The following TIAM2 variants were observed in gnomAD, a reference collection of about 807,000 sequenced individuals.
The protein encoded by TIAM2 is rho guanine nucleotide exchange factor TIAM2.
Under a neutral mutation model 152.9 loss-of-function variants are expected in TIAM2, and 80 were observed. That is an observed-to-expected ratio of 0.52 (90% confidence interval 0.44 to 0.63). The LOEUF is 0.63. Among genes scored for constraint, TIAM2 ranks in the 30% least tolerant of loss-of-function variants. The pLI, the probability that TIAM2 is intolerant of heterozygous loss-of-function variation, is 0.00. For missense variants in TIAM2, 1,965 were observed against 2,120.1 expected (o/e 0.93, Z 1.44); for synonymous variants, 804 against 838.0 (o/e 0.96, Z 0.70).
At chr6:155,132,929 G>A (rs1316704394) in intron 4 of TIAM2, among the ~76,000 whole-genome samples, 3 of 152,198 alleles carry the variant, frequency 2.0e-5, no homozygotes, top group South Asian at 2.1e-4. Flanking sequence ...ATTCTATCAC[G>A]GGTAAGTATC....
rs531603305 is a variant in TIAM2, at chr6:155,165,712, C to T, written c.2361+303C>T. On this transcript the variant is annotated intron_variant, in intron 9 of 26. Transcript: ENST00000682666. ...CTGAATTGGGAAGATCGCTTGAGCCCGGGAGGTTGAAGCTGCAGTGAGCCA... is the reference window on the plus strand; with the variant it reads ...CTGAATTGGGAAGATCGCTTGAGCCTGGGAGGTTGAAGCTGCAGTGAGCCA... 1.3e-4 allele frequency among the ~76,000 whole-genome samples: 20 copies of T among 152,184 alleles called. No homozygotes were observed. In the South Asian group the frequency reaches 3.5e-3, roughly 27 times the overall value.
Position 155,127,509 on chromosome 6 carries a change from T to A in TIAM2, c.-98T>A. The A allele has an allele frequency of 2.2e-6, 1 of 453,804 alleles. No homozygotes were observed. Among genetic ancestry groups the A allele is most frequent in the Non-Finnish European group, 4.4e-6 (1 of 226,254 alleles). The allele number at this position is 453,804 out of a possible 1,614,324, so 28.1% of individuals were successfully genotyped here. On this transcript the variant is annotated 5_prime_UTR_variant, in exon 3 of 27. Transcript: ENST00000682666. ...TTTCAGGCTCACTTCATGGACTCAC[T>A]TTGCGTGCTTGTTAAATGTGCTGTG...
Position 155,179,415 on chromosome 6 carries a change from A to G in TIAM2, c.2666A>G (p.Tyr889Cys). 6.2e-7 allele frequency: 1 copy of G among 1,613,792 alleles called. No individual in the cohort carries two copies. The highest frequency in any genetic ancestry group is 1.1e-5 in the South Asian group (1 of 90,902). The change falls in exon 12 of 27, where the codon TAT becomes TGT. Residue 889 changes from tyrosine to cysteine, a missense_variant. Coordinates refer to ENST00000682666, the MANE Select transcript of TIAM2 (RefSeq NM_012454.4). ...ATAGAAGTCTTTCCACTAAATGTTT[A>G]TGACGTGCAGCTCACGAAGACTGGG... ...DEIEVFPLNV[Y>C]DVQLTKTGSV... is the part of the protein sequence containing the mutation.
intron 1 of TIAM2, among the ~76,000 whole-genome samples, chr6:155,033,569 G>A (rs1776862564): frequency 6.6e-6 from 1 of 151,886 alleles, no homozygotes. Flanking sequence ...GCCGTGCCAA[G>A]TATGAGTTAT....
chr6:155,074,853 CA>C (rs71023618), intron 1 of TIAM2, among the ~76,000 whole-genome samples: 872 of 37,676 alleles, frequency 0.023, 3 homozygotes, highest in South Asian at 0.071. Context: ...GACTCTGTCT[CA>C]AAAAAAAAAA....
In TIAM2 at chr6:154,995,402, A is replaced by C. The variant is rs1173647599; in HGVS notation, c.-299A>C. ...CAAAGTGACCCCCAGAACTTCTCCA[A>C]CTCCTCCCGGCGTTCCCGCGAGGGC... On this transcript the variant is annotated 5_prime_UTR_variant, in exon 1 of 27. Transcript: ENST00000682666. The surrounding 1 kb of genome is among the most constrained non-coding windows in gnomAD (Gnocchi z 5.2). 6.7e-6 allele frequency: 1 copy of C among 149,768 alleles called. No individual in the cohort carries two copies. Among genetic ancestry groups the C allele is most frequent in the Non-Finnish European group, 1.5e-5 (1 of 67,276 alleles). 9.3% of individuals were successfully genotyped at this position (149,768 alleles called of 1,614,324 possible).
chr6:155,153,853 C>T (rs1780037318), intron 7 of TIAM2, among the ~76,000 whole-genome samples: 1 of 152,108 alleles, frequency 6.6e-6, no homozygotes, highest in East Asian at 1.9e-4. Context: ...AACTCCTGAC[C>T]TCAGGTGATC....
chr6:155,059,280 T>TGCTGTGTGTGTGTG (rs1562303718), intron 1 of TIAM2, among the ~76,000 whole-genome samples: 15 of 119,762 alleles, frequency 1.3e-4, no homozygotes, highest in Admixed American at 2.6e-4. Flanking sequence ...GAATGTCCCT[T>TGCTGTGTGTGTGTG]TCTGTGTGTG....
chr6:155,051,704 G>T (rs1419594852), intron 1 of TIAM2, among the ~76,000 whole-genome samples: 13 of 152,014 alleles, frequency 8.6e-5, no homozygotes, highest in Admixed American at 8.5e-4. Flanking sequence ...GAGTGCAATG[G>T]CACAACCTTG....
At chr6:155,120,002 A>C (rs9371864) in intron 2 of TIAM2, among the ~76,000 whole-genome samples, 1 of 152,026 alleles carries the variant, frequency 6.6e-6, no homozygotes, top group African/African-American at 2.4e-5. Flanking sequence ...ATGGGCCACG[A>C]CCCACGGCTT....
Position 155,244,295 on chromosome 6 carries a change from G to A in TIAM2, c.3417+216G>A, listed in dbSNP as rs546396307. The stretch of plus-strand genomic sequence containing the variant: ...AGAGTGTTTACAAAGGCAGAGGGAC[G>A]GTTATGGTCTTTTTGAGGTAGAAGA... On this transcript the variant is annotated intron_variant, in intron 17 of 26. Transcript: ENST00000682666. Among the ~76,000 whole-genome samples, 12 of 152,292 alleles carry A rather than the reference G, an allele frequency of 7.9e-5. 1 individual carries two copies. In the East Asian group the frequency reaches 1.7e-3, roughly 22 times the overall value.
At position 155,027,868 on chromosome 6, in the gene TIAM2, TATATA is replaced by T. The variant is rs1276219942; in HGVS notation, c.-209+32382_-209+32386del. On this transcript the variant is annotated intron_variant, in intron 1 of 26. Transcript: ENST00000682666. Reference sequence around the variant, plus strand: ...ATAATATATGTACTGTGTTATATACTATATAATATATGTACTGTGTTACATATATA... The same window carrying T: ...ATAATATATGTACTGTGTTATATACTATATATGTACTGTGTTACATATATA... Among the ~76,000 whole-genome samples the T allele has an allele frequency of 2.9e-4, 30 of 102,008 alleles. 5 individuals are homozygous for T. The highest frequency in any genetic ancestry group is 5.0e-4 in the Non-Finnish European group (27 of 54,308). The allele number at this position is 102,008 out of a possible 152,430, so 66.9% of individuals were successfully genotyped here.
chr6:155,151,140 G>A (rs1423168849), intron 7 of TIAM2, among the ~76,000 whole-genome samples: 2 of 152,162 alleles, frequency 1.3e-5, no homozygotes, highest in Non-Finnish European at 2.9e-5. Flanking sequence ...TCAAGGAGAT[G>A]GCAAGCCTGA....
intron 21 of TIAM2, among the ~76,000 whole-genome samples, chr6:155,250,278 T>A (rs899630318): frequency 7.3e-4 from 107 of 147,074 alleles, no homozygotes; most frequent in Non-Finnish European, 1.4e-3. Context: ...GGGCTTTTCC[T>A]TTTTGATTTT....
At chr6:155,133,963 C>T (rs1358095618) in intron 4 of TIAM2, among the ~76,000 whole-genome samples, 1 of 152,116 alleles carries the variant, frequency 6.6e-6, no homozygotes, top group Non-Finnish European at 1.5e-5. Flanking sequence ...GTGATCCACC[C>T]TCCTCGGCCT....
chr6:155,049,671 A>C (rs1777277979), intron 1 of TIAM2, among the ~76,000 whole-genome samples: 1 of 152,194 alleles, frequency 6.6e-6, no homozygotes, highest in Non-Finnish European at 1.5e-5. Context: ...AATTTGAAAT[A>C]ATAGCAGTCC....
intron 15 of TIAM2, among the ~76,000 whole-genome samples, chr6:155,222,014 C>T (rs992985927): frequency 5.3e-5 from 8 of 151,816 alleles, no homozygotes; most frequent in Admixed American, 2.6e-4. Context: ...AGTGCAGTGG[C>T]GCGATCTTGG....
intron 15 of TIAM2, among the ~76,000 whole-genome samples, chr6:155,234,747 A>G (rs963394590): frequency 6.6e-6 from 1 of 152,208 alleles, no homozygotes; most frequent in Non-Finnish European, 1.5e-5. Flanking sequence ...TGGGGGTGGA[A>G]TAGGCTCAAT....
intron 1 of TIAM2, among the ~76,000 whole-genome samples, chr6:155,027,930 T>C (rs1193141087): frequency 3.6e-5 from 4 of 112,462 alleles, no homozygotes; most frequent in Non-Finnish European, 6.6e-5. Flanking sequence ...ACATATATAC[T>C]ATATATAATA....
Sources: allele counts gnomAD v4.1 joint callset (sites outside exome capture counted in the v4.1 genomes callset), GRCh38; gene constraint gnomAD v4.1.1; non-coding constraint Gnocchi (gnomAD v3.1); transcripts MANE v1.5; gene names NCBI Gene and HGNC (gene_info 2026-07-23, HGNC 2026-07-21).